RAB27A: variants seen among roughly 807,000 people sequenced by gnomAD.
The protein encoded by RAB27A is RAB27A, member RAS oncogene family, also known as ras-related protein Rab-27A.
In RAB27A, 17 loss-of-function variants were observed where a neutral mutation model predicts 20.8. The observed-to-expected ratio is 0.82, with a 90% confidence interval of 0.56 to 1.23. The LOEUF (loss-of-function observed/expected upper bound fraction) is 1.23. RAB27A is among the 50% of genes most tolerant of loss of function. The pLI is 0.00. For missense variants in RAB27A, 277 were observed against 266.7 expected, an observed-to-expected ratio of 1.04 and a Z score of -0.27; for synonymous variants, 85 against 92.8, an observed-to-expected ratio of 0.92 and a Z score of 0.48.
chr15:55,246,995 C>T (rs1375748471), intron 2 of RAB27A, among the ~76,000 whole-genome samples: 1 of 152,162 alleles, frequency 6.6e-6, no homozygotes, highest in Non-Finnish European at 1.5e-5. Context: ...TGATGAAGAT[C>T]AATGAATCAT....
intron 2 of RAB27A, among the ~76,000 whole-genome samples, chr15:55,255,520 C>G (rs976408450): frequency 6.6e-6 from 1 of 152,190 alleles, no homozygotes; most frequent in Non-Finnish European, 1.5e-5. Flanking sequence ...TTGTGTCTAT[C>G]ATCTGCTTTC....
intron 2 of RAB27A, among the ~76,000 whole-genome samples, chr15:55,261,115 C>T (rs151255592): frequency 6.6e-6 from 1 of 152,214 alleles, no homozygotes; most frequent in East Asian, 1.9e-4. Context: ...TAAAACTCGG[C>T]CAGGCATGGT....
At chr15:55,278,568 C>T (rs888546880) in intron 1 of RAB27A, among the ~76,000 whole-genome samples, 44 of 151,808 alleles carry the variant, frequency 2.9e-4, no homozygotes, top group African/African-American at 8.9e-4. Flanking sequence ...CTGCAAGCTC[C>T]ACCTCCTGGG....
chr15:55,240,850 T>A (rs1896450184), intron 2 of RAB27A, among the ~76,000 whole-genome samples: 1 of 152,202 alleles, frequency 6.6e-6, no homozygotes, highest in African/African-American at 2.4e-5. Context: ...TTGCTATTAT[T>A]GCAATTGCAA....
intron 4 of RAB27A, among the ~76,000 whole-genome samples, chr15:55,229,043 AC>A (rs1895929861): frequency 6.6e-6 from 1 of 152,198 alleles, no homozygotes; most frequent in Non-Finnish European, 1.5e-5. Flanking sequence ...ACTTGACATT[AC>A]AATGTGTTCC....
intron 2 of RAB27A, among the ~76,000 whole-genome samples, chr15:55,243,388 C>T (rs919029845): frequency 1.3e-5 from 2 of 152,108 alleles, no homozygotes; most frequent in Non-Finnish European, 2.9e-5. Context: ...GGTGCAGTGG[C>T]TCACACCTGT....
Position 55,204,659 on chromosome 15 carries a change from A to G in RAB27A, c.*848T>C, listed in dbSNP as rs1174119797. On this transcript the variant is annotated 3_prime_UTR_variant, in exon 7 of 7. Coordinates refer to ENST00000336787, the MANE Select transcript of RAB27A (RefSeq NM_183235.3). The stretch of plus-strand genomic sequence containing the variant: ...GAAACTAAATATTTACTCATCGCAA[A>G]TAACTCGGCATAAGCACCAGCTATG... 1 of 152,218 alleles carries G rather than the reference A, an allele frequency of 6.6e-6. No homozygotes were observed. Among genetic ancestry groups the G allele is most frequent in the Non-Finnish European group, 1.5e-5 (1 of 68,042 alleles). The allele number at this position is 152,218 out of a possible 1,614,324, so 9.4% of individuals were successfully genotyped here. A position where few individuals can be genotyped will look rare whatever the true frequency, so the allele number is the denominator to read the frequency against.
intron 1 of RAB27A, among the ~76,000 whole-genome samples, chr15:55,282,986 G>A (rs564556906): frequency 2.7e-4 from 41 of 152,316 alleles, no homozygotes; most frequent in South Asian, 1.2e-3. Flanking sequence ...TGGGGTGAGG[G>A]AGAGGTTAGA....
intron 2 of RAB27A, among the ~76,000 whole-genome samples, chr15:55,235,929 T>A (rs1276553108): frequency 6.6e-6 from 1 of 152,118 alleles, no homozygotes; most frequent in Non-Finnish European, 1.5e-5. Flanking sequence ...CCAAACATCA[T>A]ATGTTCTCAC....
At chr15:55,276,731 ATACAG>A (rs1173189193) in intron 1 of RAB27A, among the ~76,000 whole-genome samples, 2 of 152,216 alleles carry the variant, frequency 1.3e-5, no homozygotes, top group African/African-American at 4.8e-5. Context: ...AAAAGCTATT[ATACAG>A]TATAGTGTCT....
upstream of RAB27A, chr15:55,290,277 C>T (rs1237635159): frequency 6.6e-6 from 1 of 152,254 alleles, no homozygotes; most frequent in Non-Finnish European, 1.5e-5. Flanking sequence ...TTCCCGAGTC[C>T]GCGCGGCTCC....
Position 55,267,530 on chromosome 15 carries a change from C to T in RAB27A, c.-23+2635G>A, listed in dbSNP as rs544023108. Among the ~76,000 whole-genome samples the T allele has an allele frequency of 1.5e-4, 23 of 152,288 alleles. 1 individual carries two copies. Among genetic ancestry groups the T allele is most frequent in the Admixed American group, 8.5e-4 (13 of 15,300 alleles). ...AGCCACGCTGCAGCAACACCAGAAGCGCAAAAGAAAATGTGCTGTTGCATA... is the reference window on the plus strand; with the variant it reads ...AGCCACGCTGCAGCAACACCAGAAGTGCAAAAGAAAATGTGCTGTTGCATA... On this transcript the variant is annotated intron_variant, in intron 2 of 6. Transcript: ENST00000336787.
At position 55,271,680 on chromosome 15, in the gene RAB27A, T is replaced by G. The variant is rs1280493792; in HGVS notation, c.-142-1396A>C. On this transcript the variant is annotated intron_variant, in intron 1 of 6. Coordinates refer to ENST00000336787, the MANE Select transcript of RAB27A (RefSeq NM_183235.3). ...TCTTGAAGACAGGGGTTGTATCTTG[T>G]TTTTTGTTCATTCACCCCACAATCA... 9.2e-5 allele frequency among the ~76,000 whole-genome samples: 14 copies of G among 152,350 alleles called. No individual in the cohort carries two copies. The East Asian group carries it at 2.1e-3, about 23-fold the overall frequency.
chr15:55,301,512 C>T (rs892423953), intron 2 of RAB27A, among the ~76,000 whole-genome samples: 3 of 151,936 alleles, frequency 2.0e-5, no homozygotes, highest in Admixed American at 2.0e-4. Flanking sequence ...TTTATGACAG[C>T]TTTGAGATAT....
intron 2 of RAB27A, among the ~76,000 whole-genome samples, chr15:55,258,066 CAAAAAAAAAA>C (rs553999609): frequency 3.2e-5 from 2 of 61,980 alleles, no homozygotes; most frequent in African/African-American, 1.3e-4. Context: ...GACTCAGTCT[CAAAAAAAAAA>C]AAAAAAAAAA....
At chr15:55,222,057 T>C (rs537320888) in intron 6 of RAB27A, among the ~76,000 whole-genome samples, 5 of 152,278 alleles carry the variant, frequency 3.3e-5, no homozygotes, top group East Asian at 3.9e-4. Flanking sequence ...GCTCCCACAA[T>C]TGCATATGCT....
intron 2 of RAB27A, among the ~76,000 whole-genome samples, chr15:55,262,068 T>A (rs1897288703): frequency 6.6e-6 from 1 of 151,980 alleles, no homozygotes; most frequent in Admixed American, 6.6e-5. Flanking sequence ...CAATAAACTC[T>A]TTTCATGAAG....
intron 5 of RAB27A, among the ~76,000 whole-genome samples, chr15:55,227,751 C>T (rs1028898925): frequency 1.3e-5 from 2 of 152,154 alleles, no homozygotes; most frequent in Non-Finnish European, 2.9e-5. Flanking sequence ...TATTTTTAAA[C>T]TCATTTTTAA....
intron 2 of RAB27A, among the ~76,000 whole-genome samples, chr15:55,257,000 C>G (rs1251144438): frequency 6.6e-6 from 1 of 152,072 alleles, no homozygotes; most frequent in Non-Finnish European, 1.5e-5. Context: ...AGAAGGGGAT[C>G]CAAGATACAC....
Sources: gnomAD v4.1 joint callset for allele counts (sites outside exome capture counted in the v4.1 genomes callset) on GRCh38, gnomAD v4.1.1 for gene constraint, MANE v1.5 for transcripts, NCBI Gene and HGNC (gene_info 2026-07-23, HGNC 2026-07-21) for gene names.